Variants in TRPM6 observed in about 807,000 individuals in gnomAD.
TRPM6 encodes the protein transient receptor potential cation channel subfamily M member 6.
Under a neutral mutation model 247.6 loss-of-function variants are expected in TRPM6, and 111 were observed. The observed-to-expected ratio is 0.45, with a 90% CI of 0.38 to 0.52. The LOEUF is 0.52. Among genes scored for constraint, TRPM6 ranks in the 20% least tolerant of loss-of-function variants. The pLI is 0.00. For missense variants in TRPM6, 2,126 were observed against 2,421.5 expected (o/e 0.88, Z 2.56); for synonymous variants, 892 against 853.8 (o/e 1.04, Z -0.78).
At chr9:74,817,842 T>C (rs994060332) in intron 9 of TRPM6, among the ~76,000 whole-genome samples, 2 of 152,166 alleles carry the variant, frequency 1.3e-5, no homozygotes, top group Admixed American at 6.6e-5. Flanking sequence ...AAAGCCAAGA[T>C]TGGCAAGACC....
intron 14 of TRPM6, among the ~76,000 whole-genome samples, chr9:74,806,629 C>G (rs1335619407): frequency 6.6e-6 from 1 of 152,130 alleles, no homozygotes; most frequent in African/African-American, 2.4e-5. Context: ...GTATCAGGAA[C>G]ATGGATTTTT....
intron 21 of TRPM6, among the ~76,000 whole-genome samples, chr9:74,784,894 T>C (rs780199141): frequency 8.5e-5 from 13 of 152,102 alleles, no homozygotes; most frequent in Non-Finnish European, 1.9e-4. Flanking sequence ...GGAGGATCAT[T>C]TGAGCTCAGG....
Position 74,739,877 on chromosome 9 carries a change from C to T in TRPM6, c.5333G>A (p.Gly1778Asp). The change falls in exon 34 of 39, where the codon GGC (glycine) becomes GAC (aspartate). Residue 1778 changes from glycine (G) to aspartate (D), a missense_variant. Around this residue, in one of 3 missense-constraint regions of TRPM6, gnomAD observed 327 missense variants for 397.7 expected, o/e 0.82. Coordinates refer to ENST00000360774, the MANE Select transcript of TRPM6 (RefSeq NM_017662.5). Reference protein sequence around the residue: ...QVLSREEMDGGLRKAMRVVST... With the variant: ...QVLSREEMDGDLRKAMRVVST... ...GACGACTCTCATAGCTTTACGGAGGCCCCCATCCATCTCCTCTCGGGACAA... is the reference window on the plus strand; with the variant it reads ...GACGACTCTCATAGCTTTACGGAGGTCCCCATCCATCTCCTCTCGGGACAA... 6.2e-7 allele frequency: 1 copy of T among 1,614,092 alleles called. No individual in the cohort carries two copies. Among genetic ancestry groups the T allele is most frequent in the Non-Finnish European group, 8.5e-7 (1 of 1,180,012 alleles).
At chr9:74,732,954 G>A (rs758970421) in intron 36 of TRPM6, among the ~76,000 whole-genome samples, 5 of 152,140 alleles carry the variant, frequency 3.3e-5, no homozygotes, top group Non-Finnish European at 5.9e-5. Flanking sequence ...AGCTCTTTGG[G>A]GGGTGGAGGT....
chr9:74,728,502 T>C (rs925129756), intron 37 of TRPM6, among the ~76,000 whole-genome samples, 157 bp from the exon 38 acceptor site: 3 of 152,216 alleles, frequency 2.0e-5, no homozygotes, highest in African/African-American at 7.2e-5. Context: ...ATGTTAGGTT[T>C]GCAAATTTAA....
intron 1 of TRPM6, among the ~76,000 whole-genome samples, chr9:74,870,376 T>TAA (rs1830982751): frequency 6.6e-6 from 1 of 151,578 alleles, no homozygotes; most frequent in Admixed American, 6.6e-5. Context: ...GGAATAGGAG[T>TAA]TTGGGATAAA....
chr9:74,734,541 T>C (rs1825629141), intron 36 of TRPM6, among the ~76,000 whole-genome samples: 1 of 152,106 alleles, frequency 6.6e-6, no homozygotes. Flanking sequence ...TCATCTGAAA[T>C]TGTGAATAAT....
chr9:74,833,988 G>A lies in TRPM6; in HGVS notation c.669+10C>T. The A allele has an allele frequency of 3.1e-6, 5 of 1,613,856 alleles. No homozygotes were observed. The highest frequency in any genetic ancestry group is 4.2e-6 in the Non-Finnish European group (5 of 1,179,832). ...CGTTTGCTTTTGTTATGAAAGGATT[G>A]TCTACTTACATCTTTTCCAATAAGG... is the stretch of plus-strand genomic sequence containing the variant. On this transcript the variant is annotated intron_variant, in intron 6 of 38. Coordinates refer to ENST00000360774, the MANE Select transcript of TRPM6 (RefSeq NM_017662.5).
intron 1 of TRPM6, among the ~76,000 whole-genome samples, chr9:74,886,579 C>A (rs779989325): frequency 6.6e-6 from 1 of 150,386 alleles, no homozygotes; most frequent in Non-Finnish European, 1.5e-5. Flanking sequence ...AATCTCAAAT[C>A]TGCTTTTCTC....
At chr9:74,761,425 T>C (rs1488877166) in intron 27 of TRPM6, among the ~76,000 whole-genome samples, 1 of 152,186 alleles carries the variant, frequency 6.6e-6, no homozygotes, top group Non-Finnish European at 1.5e-5. Context: ...CTCTTAAATT[T>C]ATATCTGGGT....
intron 6 of TRPM6, among the ~76,000 whole-genome samples, chr9:74,829,025 G>A (rs188911656): frequency 1.2e-4 from 19 of 152,222 alleles, no homozygotes; most frequent in African/African-American, 4.8e-5. Context: ...GGCCAGGAGC[G>A]GTTATGCCTG....
intron 2 of TRPM6, 60 bp from the exon 3 acceptor site, chr9:74,855,625 G>A: frequency 9.6e-7 from 1 of 1,037,234 alleles, no homozygotes; most frequent in Non-Finnish European, 1.5e-6. Context: ...TACATTTAAT[G>A]CTTGTACAGT....
At chr9:74,775,163 A>G (rs754049404) in intron 24 of TRPM6, among the ~76,000 whole-genome samples, 2 of 152,198 alleles carry the variant, frequency 1.3e-5, no homozygotes, top group African/African-American at 2.4e-5. Context: ...CTCAAAATAT[A>G]TAAGCTTATG....
chr9:74,844,894 G>A (rs1830058779), intron 3 of TRPM6, among the ~76,000 whole-genome samples: 2 of 152,140 alleles, frequency 1.3e-5, no homozygotes, highest in Non-Finnish European at 2.9e-5. Context: ...ATTTCATTTT[G>A]TTTCACTAAG....
At chr9:74,739,524 A>G in intron 34 of TRPM6, 75 bp from the exon 35 acceptor site, 1 of 1,540,646 alleles carries the variant, frequency 6.5e-7, no homozygotes, top group Non-Finnish European at 9.0e-7. Context: ...ACTATAGGCT[A>G]CCCCAATGTG....
intron 5 of TRPM6, among the ~76,000 whole-genome samples, chr9:74,835,752 T>A (rs763632751): frequency 4.6e-5 from 7 of 152,170 alleles, no homozygotes; most frequent in Non-Finnish European, 7.3e-5. Context: ...TTGTAGAGAT[T>A]GGATTCCAAT....
chr9:74,851,416 A>G (rs1296178434), intron 3 of TRPM6, among the ~76,000 whole-genome samples: 2 of 152,156 alleles, frequency 1.3e-5, no homozygotes, highest in Admixed American at 6.6e-5. Context: ...AAAATCTCAA[A>G]ATATTTTTCA....
intron 14 of TRPM6, among the ~76,000 whole-genome samples, chr9:74,806,192 T>C (rs1208870184): frequency 6.6e-6 from 1 of 152,156 alleles, no homozygotes; most frequent in Non-Finnish European, 1.5e-5. Flanking sequence ...GGATTCATTA[T>C]ACTATTCTCT....
intron 16 of TRPM6, 86 bp from the exon 17 acceptor site, chr9:74,800,568 G>A: frequency 1.1e-6 from 1 of 904,932 alleles, no homozygotes; most frequent in Non-Finnish European, 1.8e-6. Context: ...TAGAAACATT[G>A]TAAAAGATTG....
Sources: allele counts gnomAD v4.1 joint callset (sites outside exome capture counted in the v4.1 genomes callset), GRCh38; gene constraint gnomAD v4.1.1; regional missense constraint gnomAD v4.1.1; transcripts MANE v1.5; gene names NCBI Gene and HGNC (gene_info 2026-07-23, HGNC 2026-07-21).